SPATS2L: variants seen among roughly 807,000 people sequenced by gnomAD.
SPATS2L encodes the protein spermatogenesis associated serine rich 2 like.
SPATS2L carries 30 observed loss-of-function variants against 59.6 expected under a neutral mutation model. That is an observed-to-expected ratio of 0.50 (90% CI 0.38 to 0.68). SPATS2L has a LOEUF of 0.68. Ranked by LOEUF, SPATS2L falls within the 30% of genes least tolerant of loss-of-function variation. SPATS2L has a pLI of 0.00. For missense variants in SPATS2L, 615 were observed against 700.0 expected (o/e 0.88, Z 1.37); for synonymous variants, 252 against 263.5 (o/e 0.96, Z 0.42).
intron 8 of SPATS2L, among the ~76,000 whole-genome samples, chr2:200,452,088 A>G (rs2085497893): frequency 1.3e-5 from 2 of 152,128 alleles, no homozygotes. Context: ...ATGAGCCACC[A>G]CGCCCGGCAG....
intron 7 of SPATS2L, 66 bp from the exon 8 acceptor site, chr2:200,440,580 TTTG>T: frequency 5.4e-6 from 8 of 1,493,790 alleles, no homozygotes; most frequent in Non-Finnish European, 7.3e-6. Context: ...ATTGCTTTGT[TTTG>T]TTGTTTAGCT....
intron 2 of SPATS2L, among the ~76,000 whole-genome samples, chr2:200,342,040 T>G (rs1366685645): frequency 6.6e-6 from 1 of 152,180 alleles, no homozygotes; most frequent in Non-Finnish European, 1.5e-5. Flanking sequence ...TTCCTTTTAC[T>G]CTAATCCCCC....
chr2:200,411,002 C>T (rs1261980602), intron 3 of SPATS2L, among the ~76,000 whole-genome samples: 1 of 148,784 alleles, frequency 6.7e-6, no homozygotes, highest in Non-Finnish European at 1.5e-5. Context: ...ATGTGTGTGA[C>T]TCACACACAT....
intron 1 of SPATS2L, among the ~76,000 whole-genome samples, chr2:200,316,750 G>A (rs573294874): frequency 2.0e-5 from 3 of 152,138 alleles, no homozygotes; most frequent in Admixed American, 6.5e-5. Flanking sequence ...GCCTTCTTGG[G>A]ACAGTAGTGT....
rs187833185 is a variant in SPATS2L, at chr2:200,480,214, C to G, written c.*2183C>G. 6.5e-6 allele frequency: 1 copy of G among 153,640 alleles called. No individual in the cohort carries two copies. Among genetic ancestry groups the G allele is most frequent in the African/African-American group, 2.4e-5 (1 of 41,520 alleles). The allele number at this position is 153,640 out of a possible 1,614,324, so 9.5% of individuals were successfully genotyped here. On this transcript the variant is annotated 3_prime_UTR_variant, in exon 13 of 13. Coordinates refer to ENST00000409140, the MANE Select transcript of SPATS2L (RefSeq NM_001100423.2). Reference sequence around the variant, plus strand: ...ACCACTCTTGACCTCGACTCACTCCCTTAGGGTTAAGAAAGCCCAAACACA... The same window carrying G: ...ACCACTCTTGACCTCGACTCACTCCGTTAGGGTTAAGAAAGCCCAAACACA...
rs1268632916 is a variant in SPATS2L, at chr2:200,429,254, T to C, written c.445+9758T>C. 2.0e-5 allele frequency among the ~76,000 whole-genome samples: 3 copies of C among 152,206 alleles called. No individual in the cohort carries two copies. The East Asian group carries it at 5.8e-4, about 29-fold the overall frequency. On this transcript the variant is annotated intron_variant, in intron 6 of 12. Transcript: ENST00000409140. ...AATAGGAGAAATGTAATGTAAAGCA[T>C]TGTTAATTAAAACAGTAGGAGGTTA...
intron 2 of SPATS2L, among the ~76,000 whole-genome samples, chr2:200,381,316 T>G (rs1350344085): frequency 6.6e-6 from 1 of 152,148 alleles, no homozygotes; most frequent in African/African-American, 2.4e-5. Flanking sequence ...TATAAGTGTT[T>G]CCATCAACTC....
chr2:200,420,545 A>C (rs1224002601), intron 6 of SPATS2L, among the ~76,000 whole-genome samples: 1 of 152,204 alleles, frequency 6.6e-6, no homozygotes, highest in Non-Finnish European at 1.5e-5. Flanking sequence ...ATCACTGTGA[A>C]TGCACCTGCT....
chr2:200,448,618 A>G (rs1338864613), intron 8 of SPATS2L, among the ~76,000 whole-genome samples: 1 of 152,218 alleles, frequency 6.6e-6, no homozygotes, highest in East Asian at 1.9e-4. Context: ...CAATCCTTGC[A>G]ATGATCAAAA....
At chr2:200,380,294 A>G (rs2081760927) in intron 2 of SPATS2L, among the ~76,000 whole-genome samples, 1 of 152,242 alleles carries the variant, frequency 6.6e-6, no homozygotes, top group Non-Finnish European at 1.5e-5. Context: ...ATTTGCCAGT[A>G]CTAAAATGGA....
intron 3 of SPATS2L, among the ~76,000 whole-genome samples, chr2:200,396,490 T>G (rs1371498370): frequency 6.6e-6 from 1 of 152,166 alleles, no homozygotes; most frequent in East Asian, 1.9e-4. Flanking sequence ...TTAATTATTT[T>G]TGAATAAATA....
intron 2 of SPATS2L, among the ~76,000 whole-genome samples, chr2:200,357,516 G>A (rs1456616475): frequency 1.3e-5 from 2 of 152,164 alleles, no homozygotes; most frequent in Admixed American, 6.5e-5. Context: ...TAGAGAGGGG[G>A]AAAAGTAACT....
chr2:200,402,733 A>G (rs2082567208), intron 3 of SPATS2L, among the ~76,000 whole-genome samples: 2 of 152,262 alleles, frequency 1.3e-5, no homozygotes, highest in Non-Finnish European at 2.9e-5. Context: ...GACTGAAGAA[A>G]TGAATGAACC....
chr2:200,337,583 A>G (rs371715844), intron 2 of SPATS2L, among the ~76,000 whole-genome samples: 12 of 152,182 alleles, frequency 7.9e-5, no homozygotes, highest in African/African-American at 1.2e-4. Flanking sequence ...AAAATTGTTT[A>G]TAAGATGTTT....
chr2:200,443,269 T>C (rs934964913), intron 8 of SPATS2L, among the ~76,000 whole-genome samples: 4 of 152,230 alleles, frequency 2.6e-5, no homozygotes, highest in Non-Finnish European at 5.9e-5. Flanking sequence ...TATGGTGCTC[T>C]TGAAATATCA....
At chr2:200,404,384 C>T (rs1051950824) in intron 3 of SPATS2L, among the ~76,000 whole-genome samples, 3 of 152,202 alleles carry the variant, frequency 2.0e-5, no homozygotes, top group African/African-American at 7.2e-5. Context: ...TTATTTATGA[C>T]TTTGCCTTAT....
At chr2:200,310,922 C>T (rs535606623) in intron 1 of SPATS2L, among the ~76,000 whole-genome samples, 1 of 152,266 alleles carries the variant, frequency 6.6e-6, no homozygotes, top group South Asian at 2.1e-4. Flanking sequence ...GTTCTTTCTG[C>T]CCTTTTGTTT....
chr2:200,425,706 A>G (rs2083530410), intron 6 of SPATS2L, among the ~76,000 whole-genome samples: 1 of 152,216 alleles, frequency 6.6e-6, no homozygotes, highest in Non-Finnish European at 1.5e-5. Context: ...TGTGTCAGGA[A>G]TTCTTCTACA....
At chr2:200,472,732 C>T (rs1374866449) in intron 11 of SPATS2L, 100 bp from the exon 12 acceptor site, 2 of 1,012,546 alleles carry the variant, frequency 2.0e-6, no homozygotes, top group Admixed American at 4.4e-5. Flanking sequence ...TTTTGTGGAG[C>T]TCCTGGCCAG....
Sources: gnomAD v4.1 joint callset for allele counts (sites outside exome capture counted in the v4.1 genomes callset) on GRCh38, gnomAD v4.1.1 for gene constraint, MANE v1.5 for transcripts, NCBI Gene and HGNC (gene_info 2026-07-23, HGNC 2026-07-21) for gene names.